The following SGCD variants were observed in gnomAD, a reference collection of about 807,000 sequenced individuals.
SGCD encodes the protein sarcoglycan delta, also known as delta-sarcoglycan.
A neutral mutation model predicts 36.6 loss-of-function variants in SGCD; 18 were observed. The observed-to-expected ratio is 0.49, with a 90% CI of 0.34 to 0.73. SGCD has a LOEUF of 0.73. SGCD is among the 30% of genes least tolerant of loss of function. The pLI is 0.01. For missense variants in SGCD, 387 were observed against 346.7 expected, an observed-to-expected ratio of 1.12 and a Z score of -0.92; for synonymous variants, 133 against 130.6, an observed-to-expected ratio of 1.02 and a Z score of -0.12.
At chr5:156,402,824 C>G (rs1357495291) in intron 3 of SGCD, among the ~76,000 whole-genome samples, 1 of 152,162 alleles carries the variant, frequency 6.6e-6, no homozygotes, top group Non-Finnish European at 1.5e-5. Flanking sequence ...AGCACTAGGG[C>G]TCTTTGTGTT....
intron 6 of SGCD, among the ~76,000 whole-genome samples, chr5:156,634,592 G>A (rs750013292): frequency 1.3e-5 from 2 of 152,102 alleles, no homozygotes; most frequent in Non-Finnish European, 2.9e-5. Flanking sequence ...GGAGAATGGT[G>A]GAAGCCAGGA....
At chr5:155,884,368 C>T (rs1375933959) in intron 1 of SGCD, among the ~76,000 whole-genome samples, 2 of 152,160 alleles carry the variant, frequency 1.3e-5, no homozygotes, top group Non-Finnish European at 2.9e-5. Flanking sequence ...GCAAGTCCTG[C>T]CCCGTTCTCT....
At chr5:156,622,563 A>G (rs1298458800) in intron 6 of SGCD, among the ~76,000 whole-genome samples, 1 of 151,632 alleles carries the variant, frequency 6.6e-6, no homozygotes, top group Non-Finnish European at 1.5e-5. Flanking sequence ...AAAAAAGAAA[A>G]GCATTGCAAA....
intron 6 of SGCD, among the ~76,000 whole-genome samples, chr5:156,601,981 G>C (rs960794508): frequency 1.3e-5 from 2 of 151,976 alleles, no homozygotes; most frequent in Admixed American, 6.6e-5. Context: ...GAGCCTGGCC[G>C]TGTCATTGGT....
chr5:155,996,659 A>G (rs566058556), intron 1 of SGCD, among the ~76,000 whole-genome samples: 20 of 151,618 alleles, frequency 1.3e-4, no homozygotes, highest in Non-Finnish European at 2.6e-4. Context: ...ATAGTCTGTG[A>G]TCTCAGCTAC....
At chr5:155,755,610 G>T in the SGCD span, among the ~76,000 whole-genome samples, 1 of 152,186 alleles carries the variant, frequency 6.6e-6, no homozygotes, top group Non-Finnish European at 1.5e-5. Flanking sequence ...GGTAAGAATT[G>T]CCCTTTACTT....
chr5:155,800,217 C>G, the SGCD span, among the ~76,000 whole-genome samples: 2 of 152,134 alleles, frequency 1.3e-5, no homozygotes, highest in East Asian at 1.9e-4. Flanking sequence ...CTCATATTAC[C>G]CATTCCCTGG....
At chr5:156,261,121 T>G (rs1030512213) in intron 3 of SGCD, among the ~76,000 whole-genome samples, 2 of 152,184 alleles carry the variant, frequency 1.3e-5, no homozygotes, top group Non-Finnish European at 2.9e-5. Context: ...TTTTCTTTAA[T>G]CTTTTGTAGT....
intron 3 of SGCD, among the ~76,000 whole-genome samples, chr5:156,298,053 G>T (rs1369560791): frequency 1.3e-5 from 2 of 151,826 alleles, no homozygotes; most frequent in African/African-American, 2.4e-5. Context: ...TCCTTTGTGT[G>T]ACTTATTTCA....
intron 3 of SGCD, among the ~76,000 whole-genome samples, chr5:156,376,551 T>C (rs1270117926): frequency 1.3e-5 from 2 of 152,104 alleles, no homozygotes; most frequent in Non-Finnish European, 1.5e-5. Flanking sequence ...TTGACCCTAA[T>C]GAGATTGGGA....
Position 156,508,602 on chromosome 5 carries a change from A to G in SGCD, c.194A>G (p.Asp65Gly), listed in dbSNP as rs769883857. 3 of 1,592,572 alleles carry G rather than the reference A, an allele frequency of 1.9e-6. No individual in the cohort carries two copies. Among genetic ancestry groups the G allele is most frequent in the East Asian group, 4.5e-5 (2 of 44,738 alleles). ...TGTTATCTCTGTGTTCTATTTCAGGATGGAATGGGAAACCTGAGGATCACA... is the reference window on the plus strand; with the variant it reads ...TGTTATCTCTGTGTTCTATTTCAGGGTGGAATGGGAAACCTGAGGATCACA... ...WILKVMNFTI[D>G]GMGNLRITEK... The change falls in exon 4 of 9, where the codon GAT (aspartate) becomes GGT (glycine). Residue 65 changes from aspartate (D) to glycine (G), a missense_variant and splice_region_variant. Asp to Gly is a moderately conservative substitution (Grantham distance 94). Transcript: ENST00000337851.
chr5:156,118,401 G>C (rs1304083802), intron 2 of SGCD, among the ~76,000 whole-genome samples: 5 of 152,112 alleles, frequency 3.3e-5, no homozygotes, highest in Non-Finnish European at 7.4e-5. Context: ...TAAGGCAAAG[G>C]GGGGACCTGT....
intron 7 of SGCD, among the ~76,000 whole-genome samples, chr5:156,651,679 A>G (rs1356228884): frequency 6.6e-6 from 1 of 152,114 alleles, no homozygotes; most frequent in Admixed American, 6.6e-5. Context: ...TATGAATCCC[A>G]TGCTGTTTTA....
At chr5:156,501,938 C>T (rs1262958815) in intron 3 of SGCD, among the ~76,000 whole-genome samples, 1 of 152,072 alleles carries the variant, frequency 6.6e-6, no homozygotes, top group Admixed American at 6.6e-5. Context: ...AATTTTCATG[C>T]TTGCCTTAAG....
chr5:155,886,538 GT>G (rs1251454575), intron 1 of SGCD, among the ~76,000 whole-genome samples: 1 of 152,150 alleles, frequency 6.6e-6, no homozygotes, highest in South Asian at 2.1e-4. Flanking sequence ...GCGCGTGTGT[GT>G]GTGTGCATGC....
At chr5:156,682,108 C>G (rs1753744173) in intron 7 of SGCD, among the ~76,000 whole-genome samples, 1 of 152,174 alleles carries the variant, frequency 6.6e-6, no homozygotes, top group South Asian at 2.1e-4. Flanking sequence ...TTCTCAGGAA[C>G]TGACTTGGTA....
At chr5:156,056,654 A>AAAACAAAAC (rs1554115103) in intron 1 of SGCD, among the ~76,000 whole-genome samples, 1 of 137,832 alleles carries the variant, frequency 7.3e-6, no homozygotes, top group African/African-American at 2.8e-5. Context: ...TTAAAAAAAA[A>AAAACAAAAC]AAAAAAAAAA....
At chr5:156,414,474 G>C (rs936395712) in intron 3 of SGCD, among the ~76,000 whole-genome samples, 2 of 152,202 alleles carry the variant, frequency 1.3e-5, no homozygotes, top group African/African-American at 4.8e-5. Context: ...AGGAAATAAA[G>C]GTTATGGAGG....
At chr5:156,323,914 C>T (rs1209743448), upstream of SGCD, among the ~76,000 whole-genome samples, 2 of 152,176 alleles carry the variant, frequency 1.3e-5, no homozygotes, top group Admixed American at 1.3e-4. Flanking sequence ...TAAATACTAG[C>T]AGTGCCTACA....
Sources: gnomAD v4.1 joint callset for allele counts (sites outside exome capture counted in the v4.1 genomes callset) on GRCh38, gnomAD v4.1.1 for gene constraint, MANE v1.5 for transcripts, NCBI Gene and HGNC (gene_info 2026-07-23, HGNC 2026-07-21) for gene names.